The following KRT5 variants were observed in gnomAD, a reference collection of about 807,000 sequenced individuals.
KRT5 encodes keratin 5, also known as keratin, type II cytoskeletal 5.
In KRT5, 17 loss-of-function variants were observed where a neutral mutation model predicts 44.0. That is an observed-to-expected ratio of 0.39 (90% CI 0.26 to 0.58). KRT5 has a LOEUF of 0.58. Ranked by LOEUF, KRT5 falls within the 20% of genes least tolerant of loss-of-function variation. The probability of loss-of-function intolerance (pLI) is 0.61; values close to 1 mark genes in which losing one functional copy is unlikely to be tolerated. For missense variants in KRT5, 737 were observed against 785.5 expected, an observed-to-expected ratio of 0.94 and a Z score of 0.74; for synonymous variants, 329 against 312.8, an observed-to-expected ratio of 1.05 and a Z score of -0.55.
At chr12:52,518,497 T>A (rs555591733) in intron 2 of KRT5, 575 of 443,642 alleles carry the variant, frequency 1.3e-3, no homozygotes, top group East Asian at 1.8e-3. Flanking sequence ...TCAGAGGCTT[T>A]AAAAAAAAAA....
rs772327428 is a variant in KRT5, at chr12:52,517,218, C to T, written c.1107G>A (p.Gln369=). The part of the protein sequence containing the change: ...SWYQTKYEEL[Q]QTAGRHGDDL... ...CATCGCCATGCCGGCCAGCTGTCTG[C>T]TGCAGCTCCTCATACTGATGCAGCC... The change falls in exon 6 of 9, where the codon CAG becomes CAA. Residue 369 remains glutamine (Q), a synonymous_variant. Transcript: ENST00000252242. 5.0e-6 allele frequency: 8 copies of T among 1,614,130 alleles called. No homozygotes were observed. Among genetic ancestry groups the T allele is most frequent in the Non-Finnish European group, 6.8e-6 (8 of 1,180,016 alleles).
At position 52,515,045 on chromosome 12, in the gene KRT5, C is replaced by G. The variant is rs1403642422; in HGVS notation, c.1670G>C (p.Ser557Thr). The G allele has an allele frequency of 6.2e-7, 1 of 1,612,550 alleles. No individual in the cohort carries two copies. Among genetic ancestry groups the G allele is most frequent in the Admixed American group, 1.7e-5 (1 of 59,904 alleles). Reference protein sequence around the residue: ...SVGGSGFSASSGRGLGVGFGS... With the variant: ...SVGGSGFSASTGRGLGVGFGS... ...AAAGCCCACCCCCAGCCCTCGGCCA[C>G]TGCTTGCACTGAAGCCAGAGCCCCC... is the stretch of plus-strand genomic sequence containing the variant. The change falls in exon 9 of 9, where the codon AGT becomes ACT. Residue 557 changes from serine to threonine, a missense_variant. By Grantham distance (58) the Ser-to-Thr change is moderately conservative. Around this residue, in one of 5 missense-constraint regions of KRT5, gnomAD observed 344 missense variants for 351.6 expected, o/e 0.98. Transcript: ENST00000252242.
In KRT5 at chr12:52,514,583, T is replaced by A. The variant is rs981205857; in HGVS notation, c.*359A>T. On this transcript the variant is annotated 3_prime_UTR_variant, in exon 9 of 9. Transcript: ENST00000252242. Reference sequence around the variant, plus strand: ...CAATTCTGCACACCAGCTTATATTATAAAAGCATTTTATTGAACACATTCT... The same window carrying A: ...CAATTCTGCACACCAGCTTATATTAAAAAAGCATTTTATTGAACACATTCT... 5.6e-5 allele frequency: 16 copies of A among 286,350 alleles called. No individual in the cohort carries two copies. Among genetic ancestry groups the A allele is most frequent in the Non-Finnish European group, 9.8e-5 (15 of 152,728 alleles). The allele number at this position is 286,350 out of a possible 1,614,324, so 17.7% of individuals were successfully genotyped here.
rs1483978508 is a variant in KRT5, at chr12:52,520,098, TG to T, written c.198del (p.Tyr66Ter). The T allele has an allele frequency of 1.2e-6, 2 of 1,613,830 alleles. No homozygotes were observed. The highest frequency in any genetic ancestry group is 1.7e-6 in the Non-Finnish European group (2 of 1,179,926). Reference protein sequence around the residue: ...GVGGYGSRSLYNLGGSKRISI... With the variant: ...GVGGYGSRSLXNLGGSKRISI... ...GATATCCTCTTGGAGCCCCCCAGGT[TG>T]TAGAGGCTCCGGCTGCCATAGCCAC... On this transcript the variant is annotated frameshift_variant, in exon 1 of 9. Transcript: ENST00000252242. LOFTEE classifies it high-confidence loss of function.
Position 52,516,811 on chromosome 12 carries a change from T to G in KRT5, c.1265A>C (p.Glu422Ala), listed in dbSNP as rs767993231. ...GTTCCTGGCATCCTTGAGGGCCAGC[T>G]CCCCACGCTGCTCGGCATCCGCAAT... ...NAIADAEQRG[E>A]LALKDARNKL... The change falls in exon 7 of 9, where the codon GAG becomes GCG. Residue 422 changes from glutamate to alanine, a missense_variant. Glu to Ala is a moderately radical substitution (Grantham distance 107). Coordinates refer to ENST00000252242, the MANE Select transcript of KRT5 (RefSeq NM_000424.4). The G allele has an allele frequency of 2.5e-6, 4 of 1,614,106 alleles. No individual in the cohort carries two copies. The East Asian group carries it at 8.9e-5, about 36-fold the overall frequency.
At position 52,519,888 on chromosome 12, in the gene KRT5, G is replaced by C. The variant is rs756012140; in HGVS notation, c.409C>G (p.Pro137Ala). 50 of 1,613,768 alleles carry C rather than the reference G, an allele frequency of 3.1e-5. No homozygotes were observed. The highest frequency in any genetic ancestry group is 4.1e-5 in the Non-Finnish European group (48 of 1,180,004). The change falls in exon 1 of 9, where the codon CCT (proline) becomes GCT (alanine). Residue 137 changes from proline to alanine, a missense_variant. Pro to Ala is a conservative substitution (Grantham distance 27). Transcript: ENST00000252242. ...ACAGTGACCTCTTGGATACCTCCAG[G>C]AGGGCAGACAGGAAAGCCAGGGCCA... ...FGGPGFPVCP[P>A]GGIQEVTVNQ...
chr12:52,515,332 T>A, intron 8 of KRT5, 92 bp from the exon 9 acceptor site: 4 of 1,544,946 alleles, frequency 2.6e-6, no homozygotes, highest in Non-Finnish European at 3.5e-6. Flanking sequence ...TGGAGCACTC[T>A]ACTGGACCCC....
At chr12:52,516,491 G>T in intron 7 of KRT5, 146 bp downstream of exon 7, 2 of 847,382 alleles carry the variant, frequency 2.4e-6, no homozygotes, top group South Asian at 1.5e-5. Flanking sequence ...CAGCTATATG[G>T]CCATGAGTCA....
chr12:52,519,415 A>C, intron 1 of KRT5: 2 of 647,812 alleles, frequency 3.1e-6, no homozygotes, highest in Non-Finnish European at 5.3e-6. Flanking sequence ...GGGTGGCTGC[A>C]AAGGCACTCA....
At chr12:52,519,202 C>A (rs370382888) in intron 1 of KRT5, 42 bp from the exon 2 acceptor site, 1 of 1,612,428 alleles carries the variant, frequency 6.2e-7, no homozygotes, top group East Asian at 2.2e-5. Context: ...ACTTGGATTT[C>A]ATGTTCTATG....
intron 1 of KRT5, chr12:52,519,459 A>C (rs1938673345): frequency 1.6e-6 from 1 of 625,818 alleles, no homozygotes; most frequent in Admixed American, 2.8e-5. Context: ...ACCTTCCTGT[A>C]CAGTCAGCCC....
At position 52,520,309 on chromosome 12, in the gene KRT5, C is replaced by T. The variant is rs1364868550; in HGVS notation, c.-13G>A. ...ACTGGCGAGACATGGTGGCTTGTTC[C>T]TGGTGGAGCAAGAGAACCAGGCACT... On this transcript the variant is annotated 5_prime_UTR_variant, in exon 1 of 9. Coordinates refer to ENST00000252242, the MANE Select transcript of KRT5 (RefSeq NM_000424.4). 6.8e-6 allele frequency: 11 copies of T among 1,612,168 alleles called. No homozygotes were observed. Among genetic ancestry groups the T allele is most frequent in the Middle Eastern group, 1.9e-4 (1 of 5,328 alleles).
At chr12:52,515,335 T>C in intron 8 of KRT5, 95 bp from the exon 9 acceptor site, 1 of 1,539,430 alleles carries the variant, frequency 6.5e-7, no homozygotes, top group Non-Finnish European at 8.9e-7. Flanking sequence ...AGCACTCTAC[T>C]GGACCCCCTT....
intron 7 of KRT5, 171 bp from the exon 8 acceptor site, chr12:52,516,003 A>G (rs912169892): frequency 1.4e-5 from 9 of 650,188 alleles, no homozygotes; most frequent in Middle Eastern, 2.4e-4. Context: ...GGATTTTCCA[A>G]TGAAGAGGGA....
rs1046856747 is a variant in KRT5, at chr12:52,514,714, T to C, written c.*228A>G. On this transcript the variant is annotated 3_prime_UTR_variant, in exon 9 of 9. Transcript: ENST00000252242. ...GTTCTCGTGTCAGCAGGGGCCATGCTGTGGGAAACCTGAAGGCTGATTTGA... is the reference window on the plus strand; with the variant it reads ...GTTCTCGTGTCAGCAGGGGCCATGCCGTGGGAAACCTGAAGGCTGATTTGA... 2 of 553,890 alleles carry C rather than the reference T, an allele frequency of 3.6e-6. No individual in the cohort carries two copies. The highest frequency in any genetic ancestry group is 2.7e-5 in the South Asian group (1 of 37,350). 34.3% of individuals were successfully genotyped at this position (553,890 alleles called of 1,614,324 possible). A position where few individuals can be genotyped will look rare whatever the true frequency, so the allele number is the denominator to read the frequency against.
chr12:52,514,839 C>G lies in KRT5; in HGVS notation c.*103G>C. On this transcript the variant is annotated 3_prime_UTR_variant, in exon 9 of 9. Transcript: ENST00000252242. ...TCTGCAATTGGCTTGGTCTAGACTA[C>G]TCTCCAGAAAAGGATAAAACATGGC... 9.6e-7 allele frequency: 1 copy of G among 1,040,104 alleles called. No individual in the cohort carries two copies. The highest frequency in any genetic ancestry group is 1.5e-6 in the Non-Finnish European group (1 of 678,034). 64.4% of individuals were successfully genotyped at this position (1,040,104 alleles called of 1,614,324 possible).
rs1938575745 is a variant in KRT5 at position 52,514,715 on chromosome 12, G to GT, written c.*226dup. The GT allele has an allele frequency of 5.4e-6, 3 of 559,340 alleles. No homozygotes were observed. The highest frequency in any genetic ancestry group is 6.3e-6 in the Non-Finnish European group (2 of 316,480). The allele number at this position is 559,340 out of a possible 1,614,324, so 34.6% of individuals were successfully genotyped here. On this transcript the variant is annotated 3_prime_UTR_variant, in exon 9 of 9. Transcript: ENST00000252242. ...TTCTCGTGTCAGCAGGGGCCATGCT[G>GT]TGGGAAACCTGAAGGCTGATTTGAA...
chr12:52,515,065 G>GC lies in KRT5; in HGVS notation c.1649dup (p.Ser551LeufsTer21). 1.2e-6 allele frequency: 2 copies of GC among 1,610,862 alleles called. No homozygotes were observed. Among genetic ancestry groups the GC allele is most frequent in the Non-Finnish European group, 1.7e-6 (2 of 1,179,050 alleles). On this transcript the variant is annotated frameshift_variant, in exon 9 of 9. Transcript: ENST00000252242. LOFTEE classifies it high-confidence loss of function. ...GGCCACTGCTTGCACTGAAGCCAGAGCCCCCCACACTGAGCCCACCACCTA... is the reference window on the plus strand; with the variant it reads ...GGCCACTGCTTGCACTGAAGCCAGAGCCCCCCCACACTGAGCCCACCACCTA...
chr12:52,515,792 A>G lies in KRT5; in HGVS notation c.1474+6T>C. ...TCGTTGTTAATGTCTGTTCAAAGCT[A>G]CTTACAGATGTTGACTGGTCCAACT... On this transcript the variant is annotated splice_donor_region_variant and intron_variant, in intron 8 of 8. Coordinates refer to ENST00000252242, the MANE Select transcript of KRT5 (RefSeq NM_000424.4). The G allele has an allele frequency of 3.1e-6, 5 of 1,609,810 alleles. No homozygotes were observed. The highest frequency in any genetic ancestry group is 4.3e-6 in the Non-Finnish European group (5 of 1,175,998).
Sources: allele counts gnomAD v4.1 joint callset, GRCh38; gene constraint gnomAD v4.1.1; regional missense constraint gnomAD v4.1.1; transcripts MANE v1.5; gene names NCBI Gene and HGNC (gene_info 2026-07-23, HGNC 2026-07-21).